The following ME1 variants were observed in gnomAD, a reference collection of about 807,000 sequenced individuals.
The protein encoded by ME1 is NADP-dependent malic enzyme.
A neutral mutation model predicts 66.4 loss-of-function variants in ME1; 74 were observed. The observed-to-expected ratio is 1.11, with a 90% CI of 0.92 to 1.35. The LOEUF is 1.35. Ranked by LOEUF, ME1 falls within the 40% of genes most tolerant of loss-of-function variation. ME1 has a pLI of 0.00. For synonymous variants in ME1, 251 were observed against 235.6 expected (o/e 1.07, Z -0.60); for missense variants, 750 against 694.1 (o/e 1.08, Z -0.90).
At chr6:83,386,046 C>T (rs771397715) in intron 3 of ME1, among the ~76,000 whole-genome samples, 1 of 151,786 alleles carries the variant, frequency 6.6e-6, no homozygotes, top group Non-Finnish European at 1.5e-5. Flanking sequence ...AAAAAAATTA[C>T]ACCATGTATT....
chr6:83,289,237 A>G (rs907861701), intron 6 of ME1, among the ~76,000 whole-genome samples: 6 of 152,198 alleles, frequency 3.9e-5, no homozygotes, highest in Non-Finnish European at 7.3e-5. Flanking sequence ...TGGTTTTCAA[A>G]GGGAATGCTT....
rs556126748 is a variant in ME1 at position 83,279,881 on chromosome 6, G to C, written c.705-26143C>G. ...GAGAAGAAGAAAATCTTGAAAGTTT[G>C]AAGAAAACTATCTCCACAGGAAGAC... On this transcript the variant is annotated intron_variant, in intron 6 of 13. Transcript: ENST00000369705. Among the ~76,000 whole-genome samples the C allele has an allele frequency of 2.0e-5, 3 of 152,274 alleles. No homozygotes were observed. The South Asian group carries it at 6.2e-4, about 32-fold the overall frequency.
chr6:83,299,318 C>T (rs1167837454), intron 6 of ME1, among the ~76,000 whole-genome samples: 2 of 152,020 alleles, frequency 1.3e-5, no homozygotes, highest in Non-Finnish European at 2.9e-5. Flanking sequence ...AGAGGTCCTT[C>T]GCTTTCCTTG....
intron 12 of ME1, among the ~76,000 whole-genome samples, chr6:83,221,818 A>G (rs980084679): frequency 1.1e-4 from 16 of 152,340 alleles, no homozygotes; most frequent in African/African-American, 3.6e-4. Flanking sequence ...TAAAAGGGAG[A>G]TGAAAAGGAG....
At chr6:83,324,635 A>G (rs1445343870) in intron 5 of ME1, among the ~76,000 whole-genome samples, 3 of 150,764 alleles carry the variant, frequency 2.0e-5, no homozygotes, top group African/African-American at 7.3e-5. Context: ...GCCTCCCAAG[A>G]CTAAACTAGG....
At chr6:83,274,653 T>C (rs372736673) in intron 6 of ME1, among the ~76,000 whole-genome samples, 3 of 152,216 alleles carry the variant, frequency 2.0e-5, no homozygotes, top group African/African-American at 7.2e-5. Flanking sequence ...TAGAAGTGTT[T>C]ATTTCAGAGT....
chr6:83,360,073 G>A lies in ME1; in HGVS notation c.363-7934C>T, dbSNP rs1025575468. Among the ~76,000 whole-genome samples, 8 of 152,260 alleles carry A rather than the reference G, an allele frequency of 5.3e-5. 1 individual carries two copies. The highest frequency in any genetic ancestry group is 7.2e-5 in the African/African-American group (3 of 41,542). The stretch of plus-strand genomic sequence containing the variant: ...TACACAATCTGAAAATTTCTAGGTC[G>A]AATGGACAAAAGGCTAATTTGAATT... On this transcript the variant is annotated intron_variant, in intron 3 of 13. Coordinates refer to ENST00000369705, the MANE Select transcript of ME1 (RefSeq NM_002395.6).
In ME1 at chr6:83,430,933, G is replaced by A. The variant is rs1018908764; in HGVS notation, c.22C>T (p.Arg8Cys). The A allele has an allele frequency of 4.4e-6, 7 of 1,591,686 alleles. No homozygotes were observed. Among genetic ancestry groups the A allele is most frequent in the African/African-American group, 4.2e-5 (3 of 72,106 alleles). Residue 8 changes from arginine (R) to cysteine (C), a missense_variant, in exon 1 of 14, where the codon CGC becomes TGC. Physicochemically the swap from Arg to Cys is radical, Grantham distance 180 (BLOSUM62 -3). Transcript: ENST00000369705. The stretch of plus-strand genomic sequence containing the variant: ...TAGCCGCGCTGATGGGTGTGGCGGC[G>A]ACGGGGGGCTTCGGGCTCCATGGCT... MEPEAPRRRHTHQRGYLL... is the reference protein window; with the variant it reads MEPEAPRCRHTHQRGYLL...
intron 3 of ME1, among the ~76,000 whole-genome samples, chr6:83,376,135 C>A (rs1372769209): frequency 6.6e-6 from 1 of 151,718 alleles, no homozygotes; most frequent in African/African-American, 2.4e-5. Flanking sequence ...TCATGTTAAT[C>A]TTGACATTAT....
chr6:83,385,155 A>G (rs1769482927), intron 3 of ME1, among the ~76,000 whole-genome samples: 1 of 151,876 alleles, frequency 6.6e-6, no homozygotes, highest in Non-Finnish European at 1.5e-5. Context: ...CTGGATATCA[A>G]TGACACTTCA....
intron 6 of ME1, among the ~76,000 whole-genome samples, chr6:83,291,851 C>T (rs535206656): frequency 8.5e-5 from 13 of 152,078 alleles, no homozygotes; most frequent in Admixed American, 3.9e-4. Flanking sequence ...CTTGTCTTCT[C>T]GCTTTATTTC....
intron 11 of ME1, among the ~76,000 whole-genome samples, chr6:83,224,737 AAT>A (rs1790157478): frequency 6.6e-6 from 1 of 150,738 alleles, no homozygotes; most frequent in Non-Finnish European, 1.5e-5. Context: ...AATAAAATAA[AAT>A]AGTTATGTGG....
chr6:83,367,707 G>C (rs547590941), intron 3 of ME1, among the ~76,000 whole-genome samples: 3 of 152,316 alleles, frequency 2.0e-5, no homozygotes, highest in African/African-American at 7.2e-5. Flanking sequence ...GTTAGGGCTT[G>C]CTCTGGATTA....
intron 13 of ME1, among the ~76,000 whole-genome samples, chr6:83,214,168 G>A (rs1362945314): frequency 6.6e-6 from 1 of 152,086 alleles, no homozygotes; most frequent in Admixed American, 6.6e-5. Context: ...TACTTAAGAT[G>A]GCTATGTTAA....
At chr6:83,398,282 TAATA>T in intron 3 of ME1, 81 bp downstream of exon 3, 1 of 927,412 alleles carries the variant, frequency 1.1e-6, no homozygotes, top group Non-Finnish European at 1.6e-6. Flanking sequence ...AAATTTAAAA[TAATA>T]ATAATAAATT....
At chr6:83,392,576 G>A (rs921127130) in intron 3 of ME1, 14 of 561,112 alleles carry the variant, frequency 2.5e-5, no homozygotes, top group African/African-American at 1.7e-4. Context: ...TCCGCCCATG[G>A]CAAATTCCAC....
intron 9 of ME1, among the ~76,000 whole-genome samples, chr6:83,233,745 T>C (rs1452379316): frequency 6.6e-6 from 1 of 151,596 alleles, no homozygotes; most frequent in Non-Finnish European, 1.5e-5. Context: ...ATTATTATTA[T>C]TGGTTCTCAG....
chr6:83,212,270 T>G (rs867858387), intron 13 of ME1, among the ~76,000 whole-genome samples, 176 bp from the exon 14 acceptor site: 3 of 152,180 alleles, frequency 2.0e-5, no homozygotes, highest in Non-Finnish European at 4.4e-5. Flanking sequence ...AATGCAATTA[T>G]AAATCATATA....
At chr6:83,376,621 C>T (rs979381642) in intron 3 of ME1, among the ~76,000 whole-genome samples, 203 of 144,910 alleles carry the variant, frequency 1.4e-3, no homozygotes, top group African/African-American at 4.8e-3. Flanking sequence ...GCCAACGTGG[C>T]GAAACTCCAT....
Sources: allele counts gnomAD v4.1 joint callset (sites outside exome capture counted in the v4.1 genomes callset), GRCh38; gene constraint gnomAD v4.1.1; transcripts MANE v1.5; gene names NCBI Gene and HGNC (gene_info 2026-07-23, HGNC 2026-07-21).